TMEM178B: variants seen among roughly 807,000 people sequenced by gnomAD.
TMEM178B encodes transmembrane protein 178B.
TMEM178B carries 5 observed loss-of-function variants against 31.0 expected under a neutral mutation model. The observed-to-expected ratio is 0.16, with a 90% CI of 0.08 to 0.34. The LOEUF (loss-of-function observed/expected upper bound fraction) is 0.34, where lower values mean the gene tolerates loss of function less well. TMEM178B is among the 10% of genes least tolerant of loss of function. The pLI, the probability that TMEM178B is intolerant of heterozygous loss-of-function variation, is 1.00. For missense variants in TMEM178B, 275 were observed against 400.3 expected (o/e 0.69, Z 2.67); for synonymous variants, 164 against 164.0 (o/e 1.00, Z 0.00).
intron 2 of TMEM178B, among the ~76,000 whole-genome samples, chr7:141,369,183 A>C (rs6949594): frequency 0.06 from 9,142 of 152,174 alleles, 330 homozygotes; most frequent in South Asian, 0.09. Context: ...TAAGGTACAA[A>C]TATTCAGTAT....
At chr7:141,289,559 T>TA (rs1175121675) in intron 2 of TMEM178B, among the ~76,000 whole-genome samples, 1 of 151,206 alleles carries the variant, frequency 6.6e-6, no homozygotes, top group Non-Finnish European at 1.5e-5. Flanking sequence ...CTACTAAAAA[T>TA]AAAAAATTAG....
At chr7:141,345,365 A>G (rs1409187282) in intron 2 of TMEM178B, among the ~76,000 whole-genome samples, 5 of 152,210 alleles carry the variant, frequency 3.3e-5, no homozygotes, top group African/African-American at 1.2e-4. Context: ...ACAATTTGAG[A>G]TTGGTAGGAA....
intron 2 of TMEM178B, among the ~76,000 whole-genome samples, chr7:141,331,124 G>A (rs544017926): frequency 7.4e-4 from 112 of 152,316 alleles, no homozygotes; most frequent in Admixed American, 4.1e-3. Context: ...GGCTATTCTA[G>A]TGGAGCTATT....
intron 2 of TMEM178B, among the ~76,000 whole-genome samples, chr7:141,340,599 A>G (rs897575497): frequency 1.3e-5 from 2 of 152,222 alleles, no homozygotes; most frequent in Admixed American, 6.5e-5. Context: ...GATTGTGGCC[A>G]TACCACCACC....
intron 2 of TMEM178B, among the ~76,000 whole-genome samples, chr7:141,269,046 C>T (rs191065640): frequency 1.3e-5 from 2 of 151,932 alleles, no homozygotes; most frequent in African/African-American, 2.4e-5. Context: ...ATTTACCTTA[C>T]AGTCCTAATT....
intron 1 of TMEM178B, among the ~76,000 whole-genome samples, chr7:141,198,249 T>A (rs1796816818): frequency 6.6e-6 from 1 of 152,212 alleles, no homozygotes; most frequent in South Asian, 2.1e-4. Context: ...CTGTAGGAAA[T>A]GCCTGGCCTT....
chr7:141,278,310 G>A (rs889655072), intron 2 of TMEM178B, among the ~76,000 whole-genome samples: 13 of 152,226 alleles, frequency 8.5e-5, no homozygotes, highest in Non-Finnish European at 1.2e-4. Flanking sequence ...GGCTGGGCAC[G>A]GTGGCTCGCA....
Position 141,207,980 on chromosome 7 carries a change from A to G in TMEM178B, c.383-4611A>G, listed in dbSNP as rs542861276. Among the ~76,000 whole-genome samples, 9 of 152,174 alleles carry G rather than the reference A, an allele frequency of 5.9e-5. No individual in the cohort carries two copies. In the South Asian group the frequency reaches 1.7e-3, roughly 28 times the overall value. On this transcript the variant is annotated intron_variant, in intron 1 of 3. Transcript: ENST00000565468. ...TGAGGTGGGCAGATCGCTTGAGCCT[A>G]AGAGTTTGAGACCAGCCTGGGCAAT...
intron 2 of TMEM178B, among the ~76,000 whole-genome samples, chr7:141,391,175 C>CT (rs111636467): frequency 0.14 from 20,724 of 151,022 alleles, 1,554 homozygotes; most frequent in Non-Finnish European, 0.17. Context: ...CAACCCCCTG[C>CT]TTTTTTTTTG....
At chr7:141,450,069 T>G (rs1801836470) in intron 3 of TMEM178B, among the ~76,000 whole-genome samples, 2 of 152,108 alleles carry the variant, frequency 1.3e-5, no homozygotes, top group Admixed American at 6.5e-5. Flanking sequence ...GGAGTGAGGG[T>G]CTATGCAAAG....
In TMEM178B at chr7:141,452,112, A is replaced by G. The variant is rs200140997; in HGVS notation, c.634+14367A>G. ...GACTCTCTTTGCTTTTTACCTAAAA[A>G]CATGTCCGCTTGTCAACAACACCCA... On this transcript the variant is annotated intron_variant, in intron 3 of 3. Transcript: ENST00000565468. 2.0e-5 allele frequency among the ~76,000 whole-genome samples: 3 copies of G among 152,188 alleles called. No individual in the cohort carries two copies. The East Asian group carries it at 5.8e-4, about 29-fold the overall frequency.
rs1391901394 is a variant in TMEM178B, at chr7:141,474,218, C to A, written c.*3432C>A. The A allele has an allele frequency of 6.6e-6, 1 of 152,206 alleles. No homozygotes were observed. The highest frequency in any genetic ancestry group is 1.9e-4 in the East Asian group (1 of 5,192). The allele number at this position is 152,206 out of a possible 1,614,324, so 9.4% of individuals were successfully genotyped here. A position where few individuals can be genotyped will look rare whatever the true frequency, so the allele number is the denominator to read the frequency against. ...AGATTCAGGAAAGTGAGGTATTCTA[C>A]CTAGAGAGAGGTCCCATATCTTTTT... On this transcript the variant is annotated 3_prime_UTR_variant, in exon 4 of 4. Coordinates refer to ENST00000565468, the MANE Select transcript of TMEM178B (RefSeq NM_001195278.2).
intron 1 of TMEM178B, among the ~76,000 whole-genome samples, chr7:141,206,277 C>T (rs991184986): frequency 3.9e-5 from 6 of 152,160 alleles, no homozygotes; most frequent in African/African-American, 1.2e-4. Context: ...CACCAGGGAC[C>T]TCTAGGAAGG....
intron 1 of TMEM178B, among the ~76,000 whole-genome samples, chr7:141,193,384 C>T (rs1796728385): frequency 6.6e-6 from 1 of 152,196 alleles, no homozygotes; most frequent in South Asian, 2.1e-4. Flanking sequence ...ACCTAAGGGA[C>T]CCCTGGAGTC....
chr7:141,424,988 C>G (rs1801287358), intron 2 of TMEM178B, among the ~76,000 whole-genome samples: 1 of 152,196 alleles, frequency 6.6e-6, no homozygotes, highest in Non-Finnish European at 1.5e-5. Flanking sequence ...CCCAGAGCTG[C>G]CTGTTACTGG....
At chr7:141,116,440 G>C (rs1221710850) in intron 1 of TMEM178B, among the ~76,000 whole-genome samples, 1 of 152,048 alleles carries the variant, frequency 6.6e-6, no homozygotes, top group African/African-American at 2.4e-5. Context: ...CATTTAGGGA[G>C]TTGAAGTCAA....
chr7:141,434,089 G>A (rs1237763695), intron 2 of TMEM178B, among the ~76,000 whole-genome samples: 5 of 152,178 alleles, frequency 3.3e-5, no homozygotes, highest in African/African-American at 1.2e-4. Flanking sequence ...CTGCTGTTCT[G>A]CCTTTTCCTC....
At chr7:141,143,708 T>A (rs1402782868) in intron 1 of TMEM178B, among the ~76,000 whole-genome samples, 1 of 152,228 alleles carries the variant, frequency 6.6e-6, no homozygotes, top group East Asian at 1.9e-4. Flanking sequence ...TACTTTTTTT[T>A]GGGTCCATAT....
intron 2 of TMEM178B, among the ~76,000 whole-genome samples, chr7:141,397,819 C>T (rs1351190728): frequency 3.9e-5 from 6 of 152,204 alleles, no homozygotes; most frequent in South Asian, 4.1e-4. Flanking sequence ...TGCATCTCTT[C>T]GCCCACCCGA....
Sources: allele counts gnomAD v4.1 joint callset (sites outside exome capture counted in the v4.1 genomes callset), GRCh38; gene constraint gnomAD v4.1.1; transcripts MANE v1.5; gene names NCBI Gene and HGNC (gene_info 2026-07-23, HGNC 2026-07-21).